ELOVL4: variants seen among roughly 807,000 people sequenced by gnomAD.
The protein encoded by ELOVL4 is ELOVL fatty acid elongase 4.
Under a neutral mutation model 42.1 loss-of-function variants are expected in ELOVL4, and 18 were observed. That is an observed-to-expected ratio of 0.43 (90% CI 0.30 to 0.63). The LOEUF (loss-of-function observed/expected upper bound fraction) is 0.63. ELOVL4 is among the 30% of genes least tolerant of loss of function. The probability of loss-of-function intolerance (pLI) is 0.15; values close to 1 mark genes in which losing one functional copy is unlikely to be tolerated. For synonymous variants in ELOVL4, 117 were observed against 127.0 expected (o/e 0.92, Z 0.53); for missense variants, 299 against 376.2 (o/e 0.79, Z 1.70).
intron 1 of ELOVL4, among the ~76,000 whole-genome samples, chr6:79,938,745 T>C (rs547078569): frequency 6.6e-6 from 1 of 152,360 alleles, no homozygotes; most frequent in Admixed American, 6.5e-5. Flanking sequence ...TTTCTTTAGA[T>C]GATCTTTGGT....
rs5877686 is a variant in ELOVL4, at chr6:79,945,797, CA to C, written c.100+1382del. On this transcript the variant is annotated intron_variant, in intron 1 of 5. Coordinates refer to ENST00000369816, the MANE Select transcript of ELOVL4 (RefSeq NM_022726.4). ...ACATCAGTGTAATAGCGCATAGAAA[CA>C]AAAAAAAAAACTGAAGAAACACTCC... Among the ~76,000 whole-genome samples the C allele has an allele frequency of 4.3e-4, 62 of 144,084 alleles. 1 individual carries two copies. The highest frequency in any genetic ancestry group is 4.2e-3 in the East Asian group (21 of 4,982). 94.5% of individuals were successfully genotyped at this position (144,084 alleles called of 152,430 possible).
intron 2 of ELOVL4, among the ~76,000 whole-genome samples, chr6:79,925,794 A>T (rs1774332733): frequency 6.6e-6 from 1 of 152,212 alleles, no homozygotes; most frequent in Non-Finnish European, 1.5e-5. Flanking sequence ...CTACTGAATA[A>T]GAATTATAAA....
At chr6:79,931,715 G>A (rs976542379) in intron 1 of ELOVL4, among the ~76,000 whole-genome samples, 2 of 152,132 alleles carry the variant, frequency 1.3e-5, no homozygotes, top group African/African-American at 4.8e-5. Context: ...CTGGAAAAGA[G>A]AAAGAGGCCT....
Position 79,940,122 on chromosome 6 carries a change from A to G in ELOVL4, c.100+7058T>C, listed in dbSNP as rs74436177. Among the ~76,000 whole-genome samples, 727 of 152,324 alleles carry G rather than the reference A, an allele frequency of 4.8e-3. 9 individuals are homozygous for G. The highest frequency in any genetic ancestry group is 0.016 in the African/African-American group (686 of 41,578). ...ACATCTGTGCTCAAGTTTTTGTTTGATAAGTGAATAAAAATGAAAACAGAA... is the reference window on the plus strand; with the variant it reads ...ACATCTGTGCTCAAGTTTTTGTTTGGTAAGTGAATAAAAATGAAAACAGAA... On this transcript the variant is annotated intron_variant, in intron 1 of 5. Coordinates refer to ENST00000369816, the MANE Select transcript of ELOVL4 (RefSeq NM_022726.4).
rs1385879356 is a variant in ELOVL4 at position 79,925,035 on chromosome 6, G to A, written c.289-3C>T. On this transcript the variant is annotated splice_region_variant and splice_polypyrimidine_tract_variant and intron_variant, in intron 2 of 5. Transcript: ENST00000369816. ...GCATTATATGATCCCATGAATAACT[G>A]GAAAAAGAGTAATAATATTTGTAGT... is the stretch of plus-strand genomic sequence containing the variant. 6.3e-7 allele frequency: 1 copy of A among 1,575,726 alleles called. No homozygotes were observed. Among genetic ancestry groups the A allele is most frequent in the Non-Finnish European group, 8.7e-7 (1 of 1,146,206 alleles).
At position 79,947,514 on chromosome 6, in the gene ELOVL4, G is replaced by T. The variant is rs886061804; in HGVS notation, c.-235C>A. On this transcript the variant is annotated 5_prime_UTR_variant, in exon 1 of 6. Transcript: ENST00000369816. Reference sequence around the variant, plus strand: ...CCCGGGAGAAAGACGAGGAGGTGGAGGAGGCCCAGCCGCCAGCACAGTGCG... The same window carrying T: ...CCCGGGAGAAAGACGAGGAGGTGGATGAGGCCCAGCCGCCAGCACAGTGCG... The T allele has an allele frequency of 1.8e-6, 1 of 558,276 alleles. No homozygotes were observed. Among genetic ancestry groups the T allele is most frequent in the Non-Finnish European group, 3.2e-6 (1 of 311,536 alleles). 34.6% of individuals were successfully genotyped at this position (558,276 alleles called of 1,614,324 possible).
chr6:79,928,999 AC>A (rs1176081126), intron 1 of ELOVL4, among the ~76,000 whole-genome samples: 1 of 152,246 alleles, frequency 6.6e-6, no homozygotes, highest in East Asian at 1.9e-4. Context: ...GTAAGAAGCC[AC>A]CATGACCAGC....
rs1232303222 is a variant in ELOVL4 at position 79,926,241 on chromosome 6, T to C, written c.241A>G (p.Ile81Val). ...AGCAAAACCATCCCAAAATTATAGA[T>C]AATGAGCACTAGACGCATCTGAAAA... ...EPFQMRLVLI[I>V]YNFGMVLLNL... Residue 81 changes from isoleucine to valine, a missense_variant, in exon 2 of 6, where the codon ATC (isoleucine) becomes GTC (valine). Coordinates refer to ENST00000369816, the MANE Select transcript of ELOVL4 (RefSeq NM_022726.4). The C allele has an allele frequency of 4.3e-6, 7 of 1,613,894 alleles. No homozygotes were observed. The highest frequency in any genetic ancestry group is 1.7e-5 in the Admixed American group (1 of 59,990).
intron 1 of ELOVL4, among the ~76,000 whole-genome samples, chr6:79,936,951 C>CA (rs1774554179): frequency 6.6e-6 from 1 of 151,998 alleles, no homozygotes; most frequent in African/African-American, 2.4e-5. Flanking sequence ...CCTATGTACT[C>CA]AAAAAAGAGG....
intron 1 of ELOVL4, among the ~76,000 whole-genome samples, chr6:79,944,230 T>C (rs998609233): frequency 2.6e-5 from 4 of 152,208 alleles, no homozygotes; most frequent in Non-Finnish European, 2.9e-5. Flanking sequence ...AAAAAATGTA[T>C]ATACAACTTT....
In ELOVL4 at chr6:79,915,415, A is replaced by G. The variant is rs975960939; in HGVS notation, c.*1193T>C. On this transcript the variant is annotated 3_prime_UTR_variant, in exon 6 of 6. Coordinates refer to ENST00000369816, the MANE Select transcript of ELOVL4 (RefSeq NM_022726.4). ...AATTTAACAATCTTTAGCACCAAGG[A>G]GTCAAGAATATTGCACCAAAATGGG... 3 of 152,640 alleles carry G rather than the reference A, an allele frequency of 2.0e-5. No homozygotes were observed. Among genetic ancestry groups the G allele is most frequent in the Non-Finnish European group, 4.4e-5 (3 of 68,010 alleles). The allele number at this position is 152,640 out of a possible 1,614,324, so 9.5% of individuals were successfully genotyped here.
rs770197331 is a variant in ELOVL4, at chr6:79,947,330, A to G, written c.-51T>C. 1.4e-6 allele frequency: 2 copies of G among 1,449,942 alleles called. No homozygotes were observed. Among genetic ancestry groups the G allele is most frequent in the Non-Finnish European group, 1.9e-6 (2 of 1,045,290 alleles). 89.8% of individuals were successfully genotyped at this position (1,449,942 alleles called of 1,614,324 possible). On this transcript the variant is annotated 5_prime_UTR_variant, in exon 1 of 6. Transcript: ENST00000369816. ...CAGGAGAAAGCGGAGACCCAGAGAG[A>G]GGGCTGACCCCGGAGGCGGTGGCGG...
At chr6:79,938,459 A>G (rs1774586336) in intron 1 of ELOVL4, among the ~76,000 whole-genome samples, 1 of 152,250 alleles carries the variant, frequency 6.6e-6, no homozygotes, top group Non-Finnish European at 1.5e-5. Context: ...AAATACGGTT[A>G]GTCCTGAATG....
intron 1 of ELOVL4, among the ~76,000 whole-genome samples, chr6:79,944,987 CAAAAAAAA>C (rs200726708): frequency 0.19 from 18,197 of 93,724 alleles, 1,482 homozygotes; most frequent in South Asian, 0.47. Flanking sequence ...TGAATGAGTC[CAAAAAAAA>C]AAAAAAAAAA....
chr6:79,947,146 G>T (rs776928809), intron 1 of ELOVL4, 34 bp downstream of exon 1: 2 of 1,566,922 alleles, frequency 1.3e-6, no homozygotes, highest in South Asian at 2.3e-5. Flanking sequence ...CCCCGCGGGG[G>T]ACCGAGCGAG....
chr6:79,915,337 TCTCA>T lies in ELOVL4; in HGVS notation c.*1267_*1270del, dbSNP rs769908496. 5 of 152,600 alleles carry T rather than the reference TCTCA, an allele frequency of 3.3e-5. No individual in the cohort carries two copies. Among genetic ancestry groups the T allele is most frequent in the Admixed American group, 6.5e-5 (1 of 15,274 alleles). The allele number at this position is 152,600 out of a possible 1,614,324, so 9.5% of individuals were successfully genotyped here. A position where few individuals can be genotyped will look rare whatever the true frequency, so the allele number is the denominator to read the frequency against. On this transcript the variant is annotated 3_prime_UTR_variant, in exon 6 of 6. Transcript: ENST00000369816. Reference sequence around the variant, plus strand: ...AATTGAATGTTATAGTTCTGACTACTCTCACTTTTATTCATTTTGTGTTTTAACA... The same window carrying T: ...AATTGAATGTTATAGTTCTGACTACTCTTTTATTCATTTTGTGTTTTAACA...
At chr6:79,920,869 G>C (rs1182774464) in intron 4 of ELOVL4, among the ~76,000 whole-genome samples, 2 of 152,044 alleles carry the variant, frequency 1.3e-5, no homozygotes, top group Non-Finnish European at 2.9e-5. Context: ...TTCCACCTGT[G>C]GTATCATGCT....
At position 79,927,211 on chromosome 6, in the gene ELOVL4, G is replaced by A. The variant is rs540873153; in HGVS notation, c.101-830C>T. On this transcript the variant is annotated intron_variant, in intron 1 of 5. Coordinates refer to ENST00000369816, the MANE Select transcript of ELOVL4 (RefSeq NM_022726.4). ...TGAAACAAGCATGATAATGAAATAT[G>A]GATGGGATTAACAAAAATTCATCTT... 7.4e-4 allele frequency among the ~76,000 whole-genome samples: 113 copies of A among 151,852 alleles called. 1 individual carries two copies. The highest frequency in any genetic ancestry group is 2.9e-4 in the Non-Finnish European group (20 of 67,934).
intron 5 of ELOVL4, among the ~76,000 whole-genome samples, chr6:79,917,505 C>T (rs371677141): frequency 4.6e-4 from 70 of 152,208 alleles, no homozygotes; most frequent in South Asian, 3.3e-3. Context: ...TTTATTTGAA[C>T]GAACACTATC....
Sources: gnomAD v4.1 joint callset for allele counts (sites outside exome capture counted in the v4.1 genomes callset) on GRCh38, gnomAD v4.1.1 for gene constraint, MANE v1.5 for transcripts, NCBI Gene and HGNC (gene_info 2026-07-23, HGNC 2026-07-21) for gene names.